The following TRAPPC8 variants were observed in gnomAD, a reference collection of about 807,000 sequenced individuals.
TRAPPC8 encodes the protein trafficking protein particle complex subunit 8.
In TRAPPC8, 54 loss-of-function variants were observed where a neutral mutation model predicts 174.3. That is an observed-to-expected ratio of 0.31 (90% CI 0.25 to 0.39). The LOEUF (loss-of-function observed/expected upper bound fraction) is 0.39, where lower values mean the gene tolerates loss of function less well. Ranked by LOEUF, TRAPPC8 falls within the 10% of genes least tolerant of loss-of-function variation. TRAPPC8 has a pLI of 1.00. For missense variants in TRAPPC8, 1,531 were observed against 1,699.1 expected, an observed-to-expected ratio of 0.90 and a Z score of 1.74; for synonymous variants, 630 against 579.9, an observed-to-expected ratio of 1.09 and a Z score of -1.24.
intron 19 of TRAPPC8, among the ~76,000 whole-genome samples, chr18:31,863,476 A>G (rs112629964): frequency 0.035 from 5,279 of 152,302 alleles, 315 homozygotes; most frequent in African/African-American, 0.12. Context: ...ATGAAAATAT[A>G]TTACAGTATA....
At chr18:31,868,013 C>T in intron 16 of TRAPPC8, among the ~76,000 whole-genome samples, 1 of 152,060 alleles carries the variant, frequency 6.6e-6, no homozygotes, top group Non-Finnish European at 1.5e-5. Context: ...TCTTCTTTTG[C>T]TCTGACCAGC....
chr18:31,840,473 G>A (rs181354993), intron 26 of TRAPPC8, among the ~76,000 whole-genome samples: 3 of 152,174 alleles, frequency 2.0e-5, no homozygotes, highest in African/African-American at 7.2e-5. Flanking sequence ...TTTCTTTCTT[G>A]GTTATTTTTT....
chr18:31,876,070 T>A (rs2035127507), intron 12 of TRAPPC8, among the ~76,000 whole-genome samples: 1 of 152,226 alleles, frequency 6.6e-6, no homozygotes, highest in African/African-American at 2.4e-5. Flanking sequence ...TCTAAGGTGA[T>A]GGATATCCCA....
At chr18:31,845,601 T>C (rs1041764769) in intron 26 of TRAPPC8, among the ~76,000 whole-genome samples, 5 of 152,146 alleles carry the variant, frequency 3.3e-5, no homozygotes, top group African/African-American at 1.2e-4. Context: ...AAAAAACTAA[T>C]ACATATGTAA....
At chr18:31,934,406 G>T (rs1432843547) in intron 1 of TRAPPC8, among the ~76,000 whole-genome samples, 3 of 151,972 alleles carry the variant, frequency 2.0e-5, no homozygotes, top group African/African-American at 7.3e-5. Flanking sequence ...TGTATTATCT[G>T]CATTCTTCTA....
Position 31,913,524 on chromosome 18 carries a change from T to C in TRAPPC8, c.618-2A>G. The stretch of plus-strand genomic sequence containing the variant: ...ATTTCTTCATAAATTGATTCAGCTC[T>C]AAAACAGAAAATGGAAAAAAATCTG... On this transcript the variant is annotated splice_acceptor_variant, in intron 4 of 28. Transcript: ENST00000283351. LOFTEE classifies it high-confidence loss of function. 6.3e-7 allele frequency: 1 copy of C among 1,577,632 alleles called. No homozygotes were observed. The highest frequency in any genetic ancestry group is 8.6e-7 in the Non-Finnish European group (1 of 1,167,038).
chr18:31,923,812 A>G (rs1372341664), intron 2 of TRAPPC8, among the ~76,000 whole-genome samples: 1 of 151,946 alleles, frequency 6.6e-6, no homozygotes, highest in African/African-American at 2.4e-5. Flanking sequence ...CAGGAGTTCG[A>G]GACCACTCTG....
chr18:31,931,927 T>G (rs1301706353), intron 1 of TRAPPC8, among the ~76,000 whole-genome samples: 2 of 152,182 alleles, frequency 1.3e-5, no homozygotes, highest in East Asian at 3.8e-4. Flanking sequence ...AGTTAAAATG[T>G]TGCACTTGGG....
chr18:31,914,952 T>C lies in TRAPPC8; in HGVS notation c.617+1320A>G, dbSNP rs142179227. On this transcript the variant is annotated intron_variant, in intron 4 of 28. Coordinates refer to ENST00000283351, the MANE Select transcript of TRAPPC8 (RefSeq NM_014939.5). The stretch of plus-strand genomic sequence containing the variant: ...CTATGAAAAATATCAAGGCTATAAA[T>C]ATGAAGTCACAAGAGAGTGGACAGT... 5.3e-5 allele frequency among the ~76,000 whole-genome samples: 8 copies of C among 152,052 alleles called. No individual in the cohort carries two copies. The East Asian group carries it at 1.5e-3, about 29-fold the overall frequency.
At position 31,880,653 on chromosome 18, in the gene TRAPPC8, A is replaced by G. The variant is rs569081218; in HGVS notation, c.1729-5949T>C. Among the ~76,000 whole-genome samples, 41 of 152,222 alleles carry G rather than the reference A, an allele frequency of 2.7e-4. No individual in the cohort carries two copies. In the South Asian group the frequency reaches 7.9e-3, roughly 29 times the overall value. On this transcript the variant is annotated intron_variant, in intron 12 of 28. Transcript: ENST00000283351. ...CAACATAGTACTAGAAGTCCTAGCC[A>G]CAGCAATCACGCAAGAGAAAGAAGA...
chr18:31,837,112 TA>T (rs2032794260), intron 27 of TRAPPC8, among the ~76,000 whole-genome samples: 2 of 151,956 alleles, frequency 1.3e-5, no homozygotes, highest in Non-Finnish European at 2.9e-5. Context: ...CATACATCTG[TA>T]TCAGAGAAAG....
intron 9 of TRAPPC8, among the ~76,000 whole-genome samples, chr18:31,901,497 G>A (rs1271886831): frequency 6.6e-6 from 1 of 152,126 alleles, no homozygotes; most frequent in Non-Finnish European, 1.5e-5. Context: ...ACCCTCTAAT[G>A]ACCACTGTTT....
intron 10 of TRAPPC8, among the ~76,000 whole-genome samples, chr18:31,898,275 G>GCAGAACCTGCAGATA (rs760737038): frequency 7.6e-4 from 116 of 151,912 alleles, no homozygotes; most frequent in Non-Finnish European, 1.5e-3. Context: ...ATCTGCAGAT[G>GCAGAACCTGCAGATA]CAGAACCTGC....
At chr18:31,930,724 G>T (rs1423371416) in intron 2 of TRAPPC8, among the ~76,000 whole-genome samples, 1 of 151,918 alleles carries the variant, frequency 6.6e-6, no homozygotes, top group Non-Finnish European at 1.5e-5. Context: ...TTGAGGTCAG[G>T]AGTTTAACAC....
intron 20 of TRAPPC8, among the ~76,000 whole-genome samples, chr18:31,857,240 G>T (rs1033750742): frequency 6.6e-6 from 1 of 152,072 alleles, no homozygotes; most frequent in African/African-American, 2.4e-5. Flanking sequence ...TTTAATACAT[G>T]GTACCTGTTA....
chr18:31,903,794 G>C (rs1003514075), intron 9 of TRAPPC8, among the ~76,000 whole-genome samples: 3 of 152,096 alleles, frequency 2.0e-5, no homozygotes, highest in African/African-American at 7.2e-5. Context: ...GGGAGGCTGA[G>C]GCAGGAGGAG....
chr18:31,843,577 A>G (rs1379802738), intron 26 of TRAPPC8, among the ~76,000 whole-genome samples: 2 of 152,216 alleles, frequency 1.3e-5, no homozygotes, highest in Non-Finnish European at 2.9e-5. Flanking sequence ...AACTATTAGT[A>G]TGACTGAGCC....
At chr18:31,832,205 T>A in intron 27 of TRAPPC8, 32 bp from the exon 28 acceptor site, 2 of 1,371,912 alleles carry the variant, frequency 1.5e-6, no homozygotes, top group Non-Finnish European at 1.9e-6. Context: ...AAAAGTTATA[T>A]ATTTTTTTCT....
rs1568122538 is a variant in TRAPPC8 at position 31,908,430 on chromosome 18, A to G, written c.1123-12T>C. The G allele has an allele frequency of 2.0e-6, 3 of 1,490,520 alleles. No homozygotes were observed. Among genetic ancestry groups the G allele is most frequent in the Non-Finnish European group, 2.7e-6 (3 of 1,102,050 alleles). The allele number at this position is 1,490,520 out of a possible 1,614,324, so 92.3% of individuals were successfully genotyped here. ...TTTCTTGATATTAGCTTTAAAAAAG[A>G]GATTAAATATGTTGACAAACAAAGA... is the stretch of plus-strand genomic sequence containing the variant. On this transcript the variant is annotated splice_polypyrimidine_tract_variant and intron_variant, in intron 7 of 28. Coordinates refer to ENST00000283351, the MANE Select transcript of TRAPPC8 (RefSeq NM_014939.5).
Sources: gnomAD v4.1 joint callset for allele counts (sites outside exome capture counted in the v4.1 genomes callset) on GRCh38, gnomAD v4.1.1 for gene constraint, MANE v1.5 for transcripts, NCBI Gene and HGNC (gene_info 2026-07-23, HGNC 2026-07-21) for gene names.